ALPK1: variants seen among roughly 807,000 people sequenced by gnomAD.
ALPK1 encodes the protein alpha kinase 1.
A neutral mutation model predicts 120.6 loss-of-function variants in ALPK1; 110 were observed. That is an observed-to-expected ratio of 0.91 (90% confidence interval 0.78 to 1.07). The LOEUF is 1.07. Ranked by LOEUF, ALPK1 falls within the 50% of genes least tolerant of loss-of-function variation. The probability of loss-of-function intolerance (pLI) is 0.00; values close to 1 mark genes in which losing one functional copy is unlikely to be tolerated. For synonymous variants in ALPK1, 582 were observed against 560.3 expected (o/e 1.04, Z -0.55); for missense variants, 1,498 against 1,483.9 (o/e 1.01, Z -0.16).
At chr4:112,409,610 T>C (rs1733357210) in intron 4 of ALPK1, among the ~76,000 whole-genome samples, 1 of 152,022 alleles carries the variant, frequency 6.6e-6, no homozygotes, top group African/African-American at 2.4e-5. Context: ...TAGACAAGAC[T>C]TATGATATAG....
intron 5 of ALPK1, among the ~76,000 whole-genome samples, chr4:112,423,274 G>A (rs540888397): frequency 1.7e-4 from 26 of 152,278 alleles, no homozygotes; most frequent in African/African-American, 5.3e-4. Flanking sequence ...CTCTGATGTG[G>A]TAATGAGCCT....
chr4:112,427,738 G>T, intron 9 of ALPK1, 73 bp downstream of exon 9: 1 of 1,068,488 alleles, frequency 9.4e-7, no homozygotes, highest in Non-Finnish European at 1.4e-6. Context: ...GTTAGTGGCT[G>T]TCTTTCTCAG....
chr4:112,406,487 A>C (rs774491225), intron 4 of ALPK1, among the ~76,000 whole-genome samples: 4 of 152,224 alleles, frequency 2.6e-5, no homozygotes, highest in Non-Finnish European at 5.9e-5. Flanking sequence ...GCATTTTGGC[A>C]TGCTAAGTAG....
At chr4:112,307,282 C>A (rs1381522203) in intron 1 of ALPK1, among the ~76,000 whole-genome samples, 1 of 151,544 alleles carries the variant, frequency 6.6e-6, no homozygotes, top group Non-Finnish European at 1.5e-5. Flanking sequence ...TGGTGCAGAG[C>A]TGAGTTCAAT....
At chr4:112,433,692 C>A (rs1390571550) in intron 11 of ALPK1, among the ~76,000 whole-genome samples, 1 of 151,992 alleles carries the variant, frequency 6.6e-6, no homozygotes, top group Admixed American at 6.5e-5. Flanking sequence ...ATCAAAATGC[C>A]CTCCTACTAT....
rs111308190 is a variant in ALPK1 at position 112,311,463 on chromosome 4, C to T, written c.-152-4338C>T. ...AATGATTACTATTTCTACCTCCTTG[C>T]TATGCTAGGCTGTTAGCATGACTCC... On this transcript the variant is annotated intron_variant, in intron 1 of 15. Coordinates refer to ENST00000650871, the MANE Select transcript of ALPK1 (RefSeq NM_025144.4). 8.5e-5 allele frequency among the ~76,000 whole-genome samples: 13 copies of T among 152,288 alleles called. 1 individual carries two copies. Among genetic ancestry groups the T allele is most frequent in the African/African-American group, 3.1e-4 (13 of 41,558 alleles).
At chr4:112,326,595 A>G (rs1199400416) in intron 2 of ALPK1, among the ~76,000 whole-genome samples, 2 of 152,188 alleles carry the variant, frequency 1.3e-5, no homozygotes, top group African/African-American at 2.4e-5. Context: ...ATCCCACATG[A>G]GGACTGTCTG....
intron 4 of ALPK1, among the ~76,000 whole-genome samples, chr4:112,394,430 GGTTTAGA>G (rs1325037556): frequency 6.6e-6 from 1 of 152,120 alleles, no homozygotes; most frequent in Non-Finnish European, 1.5e-5. Flanking sequence ...CCAGATAAAA[GGTTTAGA>G]TGCTTCAAAA....
At chr4:112,419,206 A>T (rs780011765) in intron 5 of ALPK1, among the ~76,000 whole-genome samples, 2 of 152,206 alleles carry the variant, frequency 1.3e-5, no homozygotes, top group Non-Finnish European at 2.9e-5. Flanking sequence ...TGTCATTTTA[A>T]ATATATTGGT....
intron 12 of ALPK1, 21 bp downstream of exon 12, chr4:112,435,322 T>G: frequency 6.2e-7 from 1 of 1,600,338 alleles, no homozygotes; most frequent in East Asian, 2.2e-5. Flanking sequence ...AAAACATTTG[T>G]ATAACTAATG....
chr4:112,355,400 G>A (rs1730556756), intron 2 of ALPK1, among the ~76,000 whole-genome samples: 1 of 152,180 alleles, frequency 6.6e-6, no homozygotes, highest in Non-Finnish European at 1.5e-5. Context: ...AGCAGAAGCT[G>A]GACCGAGCGG....
rs1358557362 is a variant in ALPK1 at position 112,430,706 on chromosome 4, G to C, written c.1159G>C (p.Gly387Arg). 6 of 1,614,098 alleles carry C rather than the reference G, an allele frequency of 3.7e-6. No individual in the cohort carries two copies. The East Asian group carries it at 1.3e-4, about 36-fold the overall frequency. The change falls in exon 11 of 16, where the codon GGG becomes CGG. Residue 387 changes from glycine (G) to arginine (R), a missense_variant. Coordinates refer to ENST00000650871, the MANE Select transcript of ALPK1 (RefSeq NM_025144.4). ...AAGTCAGCTCTGTAAGGAAGCAATGGGGAAGCTGTACAATTTCAGCACTTC... is the reference window on the plus strand; with the variant it reads ...AAGTCAGCTCTGTAAGGAAGCAATGCGGAAGCTGTACAATTTCAGCACTTC... The part of the protein sequence containing the change: ...AASQLCKEAM[G>R]KLYNFSTSSR...
chr4:112,396,195 G>T (rs1417673750), intron 4 of ALPK1, among the ~76,000 whole-genome samples: 1 of 152,092 alleles, frequency 6.6e-6, no homozygotes, highest in Non-Finnish European at 1.5e-5. Context: ...AATACCTGTT[G>T]CATAGCATAC....
chr4:112,377,969 C>A, intron 3 of ALPK1, 71 bp downstream of exon 3: 2 of 1,458,186 alleles, frequency 1.4e-6, no homozygotes, highest in Non-Finnish European at 1.8e-6. Context: ...CTGAACGACA[C>A]GTTCTTATCT....
At chr4:112,323,020 C>G (rs1728929136) in intron 2 of ALPK1, among the ~76,000 whole-genome samples, 1 of 152,190 alleles carries the variant, frequency 6.6e-6, no homozygotes, top group African/African-American at 2.4e-5. Flanking sequence ...CCCCTGAGAA[C>G]CTGGACTTCC....
At chr4:112,317,804 C>A (rs1369788822) in intron 2 of ALPK1, among the ~76,000 whole-genome samples, 2 of 152,066 alleles carry the variant, frequency 1.3e-5, no homozygotes. Flanking sequence ...ACTGTATGAA[C>A]AATTTTATAT....
chr4:112,323,593 T>C (rs1022931126), intron 2 of ALPK1, among the ~76,000 whole-genome samples: 1 of 152,158 alleles, frequency 6.6e-6, no homozygotes, highest in Non-Finnish European at 1.5e-5. Flanking sequence ...TTGGACAACA[T>C]AGAACACACA....
chr4:112,407,136 T>C (rs1733216993), intron 4 of ALPK1, among the ~76,000 whole-genome samples: 1 of 152,222 alleles, frequency 6.6e-6, no homozygotes, highest in Admixed American at 6.5e-5. Context: ...GAATGGTGGT[T>C]GCCAGGAACT....
chr4:112,304,910 T>G (rs1727962066), intron 1 of ALPK1, among the ~76,000 whole-genome samples: 1 of 152,138 alleles, frequency 6.6e-6, no homozygotes. Flanking sequence ...TTAATCCATC[T>G]TGAATTAATT....
Sources: allele counts gnomAD v4.1 joint callset (sites outside exome capture counted in the v4.1 genomes callset), GRCh38; gene constraint gnomAD v4.1.1; transcripts MANE v1.5; gene names NCBI Gene and HGNC (gene_info 2026-07-23, HGNC 2026-07-21).